NPAS3: variants seen among roughly 807,000 people sequenced by gnomAD.
NPAS3 encodes neuronal PAS domain protein 3.
In NPAS3, 14 loss-of-function variants were observed where a neutral mutation model predicts 73.1. The ratio of observed to expected loss-of-function variants is 0.19; its 90% CI spans 0.13 to 0.30. The LOEUF is 0.30. Among genes scored for constraint, NPAS3 ranks in the 10% least tolerant of loss-of-function variants. NPAS3 has a pLI of 1.00. For missense variants in NPAS3, 1,096 were observed against 1,250.0 expected, an observed-to-expected ratio of 0.88 and a Z score of 1.86; for synonymous variants, 620 against 541.5, an observed-to-expected ratio of 1.14 and a Z score of -2.01.
intron 9 of NPAS3, among the ~76,000 whole-genome samples, chr14:33,790,703 T>TTGTCACCCA (rs1217575047): frequency 6.6e-6 from 1 of 152,180 alleles, no homozygotes; most frequent in Admixed American, 6.5e-5. Flanking sequence ...GAGTCTCGCT[T>TTGTCACCCA]TGTCACCCAG....
At position 32,952,461 on chromosome 14, in the gene NPAS3, T is replaced by A. The variant is rs182932574; in HGVS notation, c.50+13095T>A. Among the ~76,000 whole-genome samples, 7 of 152,132 alleles carry A rather than the reference T, an allele frequency of 4.6e-5. No homozygotes were observed. In the East Asian group the frequency reaches 1.4e-3, roughly 29 times the overall value. Reference sequence around the variant, plus strand: ...AAATGAGCCTATCAAAACAAACATGTTTTCAATTAATAGAACATGAAAAAC... The same window carrying A: ...AAATGAGCCTATCAAAACAAACATGATTTCAATTAATAGAACATGAAAAAC... On this transcript the variant is annotated intron_variant, in intron 1 of 11. Coordinates refer to ENST00000356141, the Ensembl canonical transcript of NPAS3.
intron 3 of NPAS3, among the ~76,000 whole-genome samples, chr14:33,333,570 T>C (rs1239671730): frequency 7.1e-6 from 1 of 140,534 alleles, no homozygotes; most frequent in East Asian, 2.0e-4. Context: ...ATGAGAAAAC[T>C]GAGACTCATA....
At chr14:33,322,794 G>A (rs2043515747) in intron 3 of NPAS3, among the ~76,000 whole-genome samples, 1 of 152,064 alleles carries the variant, frequency 6.6e-6, no homozygotes, top group African/African-American at 2.4e-5. Flanking sequence ...GAAATTTCAG[G>A]TTATAGAAGA....
At chr14:33,194,474 A>G (rs928361005) in intron 2 of NPAS3, among the ~76,000 whole-genome samples, 7 of 152,216 alleles carry the variant, frequency 4.6e-5, no homozygotes, top group Non-Finnish European at 7.3e-5. Context: ...AAGTGAAATT[A>G]ACTTAAACAG....
At chr14:33,460,117 G>T (rs926091879) in intron 4 of NPAS3, among the ~76,000 whole-genome samples, 1 of 152,196 alleles carries the variant, frequency 6.6e-6, no homozygotes, top group South Asian at 2.1e-4. Context: ...AAGAGTACTC[G>T]TACACATACA....
At chr14:33,499,911 T>C (rs1028000486) in intron 4 of NPAS3, among the ~76,000 whole-genome samples, 1 of 152,008 alleles carries the variant, frequency 6.6e-6, no homozygotes, top group Non-Finnish European at 1.5e-5. Flanking sequence ...TGTGTTTCTT[T>C]TTCTCCTCTG....
chr14:33,701,572 A>G (rs2060523793), intron 6 of NPAS3, among the ~76,000 whole-genome samples: 1 of 152,118 alleles, frequency 6.6e-6, no homozygotes, highest in Non-Finnish European at 1.5e-5. Flanking sequence ...TAATGTCACT[A>G]ATTTGTTTTA....
chr14:33,665,385 GTATACC>G (rs1205211336), intron 5 of NPAS3, among the ~76,000 whole-genome samples: 1 of 152,112 alleles, frequency 6.6e-6, no homozygotes, highest in Non-Finnish European at 1.5e-5. Flanking sequence ...CATGGCGCGT[GTATACC>G]TATACAACAA....
At chr14:33,518,003 C>T (rs762689565) in intron 4 of NPAS3, among the ~76,000 whole-genome samples, 5 of 152,060 alleles carry the variant, frequency 3.3e-5, no homozygotes, top group Non-Finnish European at 4.4e-5. Context: ...ACATCCACCA[C>T]GTACCAGAGA....
chr14:32,978,112 T>G (rs2037759103), intron 1 of NPAS3, among the ~76,000 whole-genome samples: 1 of 144,864 alleles, frequency 6.9e-6, no homozygotes. Flanking sequence ...AGTGAAGATG[T>G]GGGGGGGTGA....
At chr14:33,164,647 G>GC (rs1385002911) in intron 2 of NPAS3, among the ~76,000 whole-genome samples, 1 of 152,032 alleles carries the variant, frequency 6.6e-6, no homozygotes, top group African/African-American at 2.4e-5. Context: ...TTTACTAAGT[G>GC]CTTCATGGTG....
intron 1 of NPAS3, among the ~76,000 whole-genome samples, chr14:33,027,278 C>T (rs2138314203): frequency 6.6e-6 from 1 of 152,264 alleles, no homozygotes; most frequent in East Asian, 1.9e-4. Context: ...AATAAGTTTT[C>T]TCTTTTGGCA....
At chr14:33,074,620 T>C (rs2041596417) in intron 2 of NPAS3, among the ~76,000 whole-genome samples, 1 of 152,154 alleles carries the variant, frequency 6.6e-6, no homozygotes, top group African/African-American at 2.4e-5. Flanking sequence ...TTTCACCATG[T>C]TGGCCAGGCT....
intron 3 of NPAS3, among the ~76,000 whole-genome samples, chr14:33,332,672 C>T (rs755013086): frequency 3.8e-4 from 58 of 152,162 alleles, no homozygotes; most frequent in Admixed American, 9.2e-4. Flanking sequence ...CCTCAACAAA[C>T]GCTTCCGATT....
At chr14:33,215,548 T>G in intron 3 of NPAS3, 122 bp downstream of exon 3, 1 of 1,101,558 alleles carries the variant, frequency 9.1e-7, no homozygotes, top group Non-Finnish European at 1.4e-6. Flanking sequence ...GATACAAATG[T>G]GGAAATCTGA....
chr14:32,993,608 C>A (rs1228754582), intron 1 of NPAS3, among the ~76,000 whole-genome samples: 1 of 152,104 alleles, frequency 6.6e-6, no homozygotes. Context: ...TAATATTAAC[C>A]ATTTTGTATT....
At chr14:33,691,029 T>G (rs1294956661) in intron 6 of NPAS3, among the ~76,000 whole-genome samples, 1 of 152,242 alleles carries the variant, frequency 6.6e-6, no homozygotes, top group Non-Finnish European at 1.5e-5. Flanking sequence ...TAGTCCTAAA[T>G]TAAGTCTGTT....
At chr14:33,345,656 G>A (rs747770488) in intron 3 of NPAS3, among the ~76,000 whole-genome samples, 2 of 152,196 alleles carry the variant, frequency 1.3e-5, no homozygotes, top group Non-Finnish European at 1.5e-5. Context: ...TTAGCCAGGT[G>A]GAAGGATACA....
chr14:33,361,806 C>T (rs1468101266), intron 3 of NPAS3, among the ~76,000 whole-genome samples: 1 of 151,652 alleles, frequency 6.6e-6, no homozygotes, highest in Non-Finnish European at 1.5e-5. Flanking sequence ...AAAAATAAAC[C>T]CAAAGTGTAC....
Sources: allele counts gnomAD v4.1 joint callset (sites outside exome capture counted in the v4.1 genomes callset), GRCh38; gene constraint gnomAD v4.1.1; transcripts MANE v1.5; gene names NCBI Gene and HGNC (gene_info 2026-07-23, HGNC 2026-07-21).